Variants in BPIFA2 observed in about 807,000 individuals in gnomAD.
The protein encoded by BPIFA2 is BPI fold-containing family A member 2.
BPIFA2 carries 20 observed loss-of-function variants against 25.7 expected under a neutral mutation model. The observed-to-expected ratio is 0.78, with a 90% confidence interval of 0.55 to 1.13. The LOEUF is 1.13. Among genes scored for constraint, BPIFA2 ranks in the 50% most tolerant of loss-of-function variants. BPIFA2 has a pLI of 0.00. For synonymous variants in BPIFA2, 126 were observed against 124.3 expected (o/e 1.01, Z -0.09); for missense variants, 300 against 298.1 (o/e 1.01, Z -0.05).
chr20:33,169,068 C>A, intron 1 of BPIFA2, 63 bp from the exon 2 acceptor site: 1 of 1,345,866 alleles, frequency 7.4e-7, no homozygotes, highest in Non-Finnish European at 1.1e-6. Context: ...GTGATGGGAA[C>A]TCACTGAAGA....
In BPIFA2 at chr20:33,169,166, T is replaced by C; in HGVS notation, c.21T>C (p.Leu7=). The change falls in exon 2 of 9, where the codon CTT becomes CTC. Residue 7 remains leucine (L), a synonymous_variant. Transcript: ENST00000354932. ...AAAAGATGCTTCAGCTTTGGAAACTTGTTCTCCTGTGCGGCGTGCTCACTG... is the reference window on the plus strand; with the variant it reads ...AAAAGATGCTTCAGCTTTGGAAACTCGTTCTCCTGTGCGGCGTGCTCACTG... MLQLWK[L]VLLCGVLTGT... 2 of 1,614,154 alleles carry C rather than the reference T, an allele frequency of 1.2e-6. No individual in the cohort carries two copies. Among genetic ancestry groups the C allele is most frequent in the Non-Finnish European group, 8.5e-7 (1 of 1,179,972 alleles).
chr20:33,180,907 C>T (rs1357527706), intron 8 of BPIFA2, among the ~76,000 whole-genome samples: 4 of 152,160 alleles, frequency 2.6e-5, no homozygotes, highest in African/African-American at 9.7e-5. Context: ...AAATGGATAT[C>T]CATGATTCTG....
intron 5 of BPIFA2, among the ~76,000 whole-genome samples, chr20:33,177,653 A>C (rs1984128635): frequency 6.6e-6 from 1 of 152,186 alleles, no homozygotes; most frequent in Admixed American, 6.5e-5. Flanking sequence ...TTAACTGGGC[A>C]CTGTGATAGC....
chr20:33,176,134 C>T (rs948604054), intron 5 of BPIFA2, among the ~76,000 whole-genome samples: 10 of 149,576 alleles, frequency 6.7e-5, no homozygotes, highest in African/African-American at 2.3e-4. Flanking sequence ...AGAGTAAGTG[C>T]CTGCCACGGG....
chr20:33,180,446 C>A, intron 7 of BPIFA2, 74 bp from the exon 8 acceptor site: 3 of 1,507,738 alleles, frequency 2.0e-6, no homozygotes, highest in Non-Finnish European at 2.8e-6. Context: ...TGGAGAGCGG[C>A]ATCTTTTGGA....
chr20:33,170,621 C>T (rs769220922), intron 2 of BPIFA2, among the ~76,000 whole-genome samples: 6 of 152,236 alleles, frequency 3.9e-5, no homozygotes, highest in Non-Finnish European at 5.9e-5. Flanking sequence ...CTCGAACTCC[C>T]GGCCTCAAGT....
chr20:33,174,806 G>A (rs1984018455), intron 4 of BPIFA2, among the ~76,000 whole-genome samples: 1 of 152,180 alleles, frequency 6.6e-6, no homozygotes, highest in African/African-American at 2.4e-5. Flanking sequence ...AGCTACTTGG[G>A]AGGCTGAGGC....
In BPIFA2 at chr20:33,179,651, C is replaced by T. The variant is rs1304627544; in HGVS notation, c.693C>T (p.Val231=). 6.2e-7 allele frequency: 1 copy of T among 1,612,326 alleles called. No homozygotes were observed. Among genetic ancestry groups the T allele is most frequent in the East Asian group, 2.2e-5 (1 of 44,866 alleles). Residue 231 remains valine, a synonymous_variant, in exon 7 of 9, where the codon GTC becomes GTT. Transcript: ENST00000354932. ...TCATCCACTCCCTGGATGTGAATGT[C>T]ATTCAGCAGGTCGTCGGTAAGTCAA... ...RIFIHSLDVN[V]IQQVVDNPQH...
chr20:33,180,553 T>A lies in BPIFA2; in HGVS notation c.743T>A (p.Leu248His), dbSNP rs1321118104. The A allele has an allele frequency of 6.2e-7, 1 of 1,613,216 alleles. No homozygotes were observed. The highest frequency in any genetic ancestry group is 1.3e-5 in the African/African-American group (1 of 74,896). The stretch of plus-strand genomic sequence containing the variant: ...CAGCACAAAACCCAGCTGCAAACCC[T>A]CATCTGAAGAGGACGAATGAGGAGG... ...NPQHKTQLQT[L>H]I The change falls in exon 8 of 9, where the codon CTC becomes CAC. Residue 248 changes from leucine to histidine, a missense_variant. Physicochemically the swap from Leu to His is moderately conservative, Grantham distance 99 (BLOSUM62 -3). Transcript: ENST00000354932.
At position 33,169,128 on chromosome 20, in the gene BPIFA2, C is replaced by T. The variant is rs1043938626; in HGVS notation, c.-15-3C>T. The T allele has an allele frequency of 1.2e-6, 2 of 1,612,538 alleles. No individual in the cohort carries two copies. The highest frequency in any genetic ancestry group is 1.7e-6 in the Non-Finnish European group (2 of 1,178,796). Reference sequence around the variant, plus strand: ...CACTCCTGTTCTTCCCATGACTGTCCAGGTGTCAAGACAAAAGATGCTTCA... The same window carrying T: ...CACTCCTGTTCTTCCCATGACTGTCTAGGTGTCAAGACAAAAGATGCTTCA... On this transcript the variant is annotated splice_region_variant and splice_polypyrimidine_tract_variant and intron_variant, in intron 1 of 8. Transcript: ENST00000354932.
At chr20:33,171,579 A>G (rs1983897886) in intron 2 of BPIFA2, among the ~76,000 whole-genome samples, 1 of 152,240 alleles carries the variant, frequency 6.6e-6, no homozygotes, top group Non-Finnish European at 1.5e-5. Context: ...TGTGCAAAGG[A>G]TATGAACAGA....
rs1314378161 is a variant in BPIFA2, at chr20:33,180,488, A to G, written c.710-32A>G. On this transcript the variant is annotated intron_variant, in intron 7 of 8. Coordinates refer to ENST00000354932, the MANE Select transcript of BPIFA2 (RefSeq NM_080574.4). ...TCTCTATTCAATTCCAGTGGCAGAG[A>G]CTAAGGCCTGCTATTGATTTTGTTT... 42 of 1,605,038 alleles carry G rather than the reference A, an allele frequency of 2.6e-5. No individual in the cohort carries two copies. In the East Asian group the frequency reaches 9.4e-4, roughly 36 times the overall value.
chr20:33,164,482 C>T (rs1416924784), upstream of BPIFA2, among the ~76,000 whole-genome samples: 3 of 152,026 alleles, frequency 2.0e-5, no homozygotes, highest in East Asian at 1.9e-4. Context: ...ACTGGCGAGA[C>T]GTGGCTGACC....
At chr20:33,174,250 C>A in intron 4 of BPIFA2, 64 bp downstream of exon 4, 1 of 1,471,486 alleles carries the variant, frequency 6.8e-7, no homozygotes, top group Non-Finnish European at 9.5e-7. Flanking sequence ...GGATGCCCAA[C>A]CTGGGAATCG....
At chr20:33,165,944 C>T (rs951076837), upstream of BPIFA2, among the ~76,000 whole-genome samples, 6 of 152,060 alleles carry the variant, frequency 3.9e-5, no homozygotes, top group African/African-American at 1.4e-4. Flanking sequence ...TCCCAACCTC[C>T]CCACCCACCA....
At position 33,173,064 on chromosome 20, in the gene BPIFA2, C is replaced by T. The variant is rs1034026265; in HGVS notation, c.290C>T (p.Thr97Met). 1.7e-5 allele frequency: 27 copies of T among 1,613,626 alleles called. No individual in the cohort carries two copies. The highest frequency in any genetic ancestry group is 2.2e-5 in the South Asian group (2 of 90,988). The change falls in exon 3 of 9, where the codon ACG becomes ATG. Residue 97 changes from threonine (T) to methionine (M), a missense_variant. Coordinates refer to ENST00000354932, the MANE Select transcript of BPIFA2 (RefSeq NM_080574.4). Reference sequence around the variant, plus strand: ...ATTTCTAAGCTGCTTCCAACTAACACGGACATTTTTGGGTGAGTTGGTCCT... The same window carrying T: ...ATTTCTAAGCTGCTTCCAACTAACATGGACATTTTTGGGTGAGTTGGTCCT... ...NVISKLLPTNTDIFGLKISNS... is the reference protein window; with the variant it reads ...NVISKLLPTNMDIFGLKISNS...
intron 2 of BPIFA2, 22 bp from the exon 3 acceptor site, chr20:33,172,910 A>G: frequency 3.1e-6 from 5 of 1,610,874 alleles, no homozygotes; most frequent in Non-Finnish European, 4.2e-6. Flanking sequence ...GCGTGACACA[A>G]AATGGCGATT....
At chr20:33,165,363 T>A (rs1017935509), upstream of BPIFA2, among the ~76,000 whole-genome samples, 1 of 152,196 alleles carries the variant, frequency 6.6e-6, no homozygotes, top group Non-Finnish European at 1.5e-5. Flanking sequence ...AATAAGGCAA[T>A]TATCTTTGAT....
upstream of BPIFA2, among the ~76,000 whole-genome samples, chr20:33,163,413 G>C (rs1983634069): frequency 1.3e-5 from 2 of 152,182 alleles, no homozygotes; most frequent in Non-Finnish European, 2.9e-5. Context: ...CCTTCAACCA[G>C]TAAGCTTTTA....
Sources: gnomAD v4.1 joint callset for allele counts (sites outside exome capture counted in the v4.1 genomes callset) on GRCh38, gnomAD v4.1.1 for gene constraint, MANE v1.5 for transcripts, NCBI Gene and HGNC (gene_info 2026-07-23, HGNC 2026-07-21) for gene names.